CCDC88A: variants seen among roughly 807,000 people sequenced by gnomAD.
CCDC88A encodes the protein coiled-coil and HOOK domain protein 88A.
In CCDC88A, 54 loss-of-function variants were observed where a neutral mutation model predicts 234.3. The observed-to-expected ratio is 0.23, with a 90% CI of 0.19 to 0.29. The LOEUF (loss-of-function observed/expected upper bound fraction) is 0.29. Ranked by LOEUF, CCDC88A falls within the 10% of genes least tolerant of loss-of-function variation. The pLI is 1.00. For missense variants in CCDC88A, 1,832 were observed against 2,123.4 expected (o/e 0.86, Z 2.70); for synonymous variants, 753 against 737.8 (o/e 1.02, Z -0.33).
chr2:55,384,536 T>C lies in CCDC88A; in HGVS notation c.273+4242A>G, dbSNP rs570913948. Among the ~76,000 whole-genome samples, 10 of 70,236 alleles carry C rather than the reference T, an allele frequency of 1.4e-4. 1 individual carries two copies. Among genetic ancestry groups the C allele is most frequent in the African/African-American group, 4.9e-4 (10 of 20,440 alleles). The allele number at this position is 70,236 out of a possible 152,430, so 46.1% of individuals were successfully genotyped here. The stretch of plus-strand genomic sequence containing the variant: ...TATATAAATTATATATATATACATA[T>C]ATACGTATATATGTGTATATATACA... On this transcript the variant is annotated intron_variant, in intron 3 of 32. Coordinates refer to ENST00000436346, the MANE Select transcript of CCDC88A (RefSeq NM_001365480.1).
chr2:55,374,112 G>A lies in CCDC88A; in HGVS notation c.343+702C>T, dbSNP rs149906636. ...TATCAGACTGGGCGTGGTGGCTCATGCCTCTAATCCCAGCACTTTGGGAGG... is the reference window on the plus strand; with the variant it reads ...TATCAGACTGGGCGTGGTGGCTCATACCTCTAATCCCAGCACTTTGGGAGG... On this transcript the variant is annotated intron_variant, in intron 4 of 32. Coordinates refer to ENST00000436346, the MANE Select transcript of CCDC88A (RefSeq NM_001365480.1). Among the ~76,000 whole-genome samples the A allele has an allele frequency of 4.6e-5, 7 of 152,314 alleles. No homozygotes were observed. In the East Asian group the frequency reaches 1.3e-3, roughly 29 times the overall value.
At chr2:55,319,497 G>A (rs549667089) in intron 18 of CCDC88A, among the ~76,000 whole-genome samples, 1 of 152,136 alleles carries the variant, frequency 6.6e-6, no homozygotes, top group South Asian at 2.1e-4. Context: ...TATTTCAAAG[G>A]GAAGCAGGTT....
chr2:55,296,128 T>A, intron 30 of CCDC88A, 72 bp from the exon 31 acceptor site: 2 of 1,349,292 alleles, frequency 1.5e-6, no homozygotes, highest in Non-Finnish European at 2.0e-6. Context: ...TTTAGCAGAC[T>A]GTGCAATATA....
intron 5 of CCDC88A, 75 bp downstream of exon 5, chr2:55,372,377 T>C: frequency 1.3e-6 from 1 of 746,172 alleles, no homozygotes; most frequent in Admixed American, 2.8e-5. Flanking sequence ...CCTTAAGTCT[T>C]TCAGAAACTA....
chr2:55,397,268 T>G (rs988657486), intron 2 of CCDC88A: 1 of 152,118 alleles, frequency 6.6e-6, no homozygotes, highest in African/African-American at 2.4e-5. Context: ...CTAATTTTTG[T>G]ATTTTTAGGA....
chr2:55,364,124 T>C (rs778728979), intron 5 of CCDC88A, 91 bp from the exon 6 acceptor site: 20 of 562,286 alleles, frequency 3.6e-5, no homozygotes, highest in Non-Finnish European at 1.2e-5. Context: ...AGGTTTGCTA[T>C]ATTTTGAAAA....
At chr2:55,363,693 C>T (rs1297785535) in intron 6 of CCDC88A, 1 of 310,032 alleles carries the variant, frequency 3.2e-6, no homozygotes. Context: ...CTAACAAAGA[C>T]ATATACCTCA....
chr2:55,418,714 TG>T, intron 2 of CCDC88A, 101 bp downstream of exon 2: 1 of 832,926 alleles, frequency 1.2e-6, no homozygotes, highest in Non-Finnish European at 2.0e-6. Flanking sequence ...TGAATATTTC[TG>T]GCCAATGAAC....
chr2:55,328,553 A>G lies in CCDC88A; in HGVS notation c.2856-118T>C. On this transcript the variant is annotated intron_variant, in intron 16 of 32. Transcript: ENST00000436346. The surrounding 1 kb of genome is among the most constrained non-coding windows in gnomAD (Gnocchi z 4.3). ...GGGTCTTATAAAAGCATTTTTGTTAAAGAGGCAAATGAAATTATCCTCTTC... is the reference window on the plus strand; with the variant it reads ...GGGTCTTATAAAAGCATTTTTGTTAGAGAGGCAAATGAAATTATCCTCTTC... 3 of 637,540 alleles carry G rather than the reference A, an allele frequency of 4.7e-6. No homozygotes were observed. In the South Asian group the frequency reaches 8.7e-5, roughly 19 times the overall value. The allele number at this position is 637,540 out of a possible 1,614,324, so 39.5% of individuals were successfully genotyped here.
chr2:55,368,495 A>G (rs1008303875), intron 5 of CCDC88A, among the ~76,000 whole-genome samples: 1 of 149,636 alleles, frequency 6.7e-6, no homozygotes, highest in Admixed American at 6.7e-5. Flanking sequence ...TTAAAAAAAA[A>G]TTTTTTTTTG....
intron 2 of CCDC88A, among the ~76,000 whole-genome samples, chr2:55,397,972 T>C (rs1677906721): frequency 1.3e-5 from 2 of 152,162 alleles, no homozygotes; most frequent in Non-Finnish European, 2.9e-5. Flanking sequence ...TATATAGTTA[T>C]ATACTAATGA....
At chr2:55,349,850 TTC>T (rs1178928316) in intron 8 of CCDC88A, 1 of 305,588 alleles carries the variant, frequency 3.3e-6, no homozygotes. Context: ...GTTTTTCTCT[TTC>T]TCTCTTTTCA....
intron 11 of CCDC88A, 36 bp from the exon 12 acceptor site, chr2:55,343,828 C>G (rs1668778537): frequency 6.6e-7 from 1 of 1,524,918 alleles, no homozygotes. Context: ...GAGAAAAAAG[C>G]TAAGAAACAG....
chr2:55,380,226 A>C (rs1211871285), intron 3 of CCDC88A, among the ~76,000 whole-genome samples: 3 of 152,044 alleles, frequency 2.0e-5, no homozygotes, highest in African/African-American at 7.2e-5. Flanking sequence ...ACAGAGCGAG[A>C]CTCCATCTCA....
chr2:55,354,340 A>T (rs1458089184), intron 8 of CCDC88A, among the ~76,000 whole-genome samples: 1 of 152,082 alleles, frequency 6.6e-6, no homozygotes, highest in East Asian at 1.9e-4. Flanking sequence ...CATGTTGGCC[A>T]GGCTGGTCTT....
chr2:55,399,416 T>C (rs1258210083), intron 2 of CCDC88A, among the ~76,000 whole-genome samples: 1 of 151,424 alleles, frequency 6.6e-6, no homozygotes, highest in Non-Finnish European at 1.5e-5. Context: ...GTAATCCCAG[T>C]TATTCAGGAG....
intron 25 of CCDC88A, among the ~76,000 whole-genome samples, chr2:55,303,845 C>T (rs956782340): frequency 6.6e-6 from 1 of 152,120 alleles, no homozygotes; most frequent in African/African-American, 2.4e-5. Flanking sequence ...TGAAAATGTA[C>T]AAGGCTTTTG....
At chr2:55,369,449 CTT>C (rs10587591) in intron 5 of CCDC88A, among the ~76,000 whole-genome samples, 3,016 of 125,282 alleles carry the variant, frequency 0.024, 50 homozygotes, top group African/African-American at 0.089. Context: ...TTCAACCACA[CTT>C]TTTTTTTTTT....
At chr2:55,378,074 C>T (rs1673997308) in intron 3 of CCDC88A, among the ~76,000 whole-genome samples, 1 of 152,202 alleles carries the variant, frequency 6.6e-6, no homozygotes, top group African/African-American at 2.4e-5. Context: ...TACTGACTTA[C>T]TATGTAACAT....
Sources: gnomAD v4.1 joint callset for allele counts (sites outside exome capture counted in the v4.1 genomes callset) on GRCh38, gnomAD v4.1.1 for gene constraint, Gnocchi (gnomAD v3.1) non-coding constraint, MANE v1.5 for transcripts, NCBI Gene and HGNC (gene_info 2026-07-23, HGNC 2026-07-21) for gene names.